The following DENND5B variants were observed in gnomAD, a reference collection of about 807,000 sequenced individuals.
The protein encoded by DENND5B is DENN domain-containing protein 5B.
Under a neutral mutation model 140.6 loss-of-function variants are expected in DENND5B, and 34 were observed. The ratio of observed to expected loss-of-function variants is 0.24; its 90% CI spans 0.18 to 0.32. The LOEUF (loss-of-function observed/expected upper bound fraction) is 0.32, where lower values mean the gene tolerates loss of function less well. Among genes scored for constraint, DENND5B ranks in the 10% least tolerant of loss-of-function variants. The pLI is 1.00. For synonymous variants in DENND5B, 551 were observed against 562.1 expected (o/e 0.98, Z 0.28); for missense variants, 1,142 against 1,560.2 (o/e 0.73, Z 4.52).
At chr12:31,443,639 A>G (rs1944145739) in intron 6 of DENND5B, among the ~76,000 whole-genome samples, 1 of 152,230 alleles carries the variant, frequency 6.6e-6, no homozygotes, top group African/African-American at 2.4e-5. Flanking sequence ...GAGCTGAAAT[A>G]CAAGTTAAAG....
At chr12:31,530,910 C>G (rs906524380) in intron 1 of DENND5B, among the ~76,000 whole-genome samples, 1 of 152,114 alleles carries the variant, frequency 6.6e-6, no homozygotes, top group Non-Finnish European at 1.5e-5. Context: ...GATTCATCTC[C>G]TATTTTACTC....
chr12:31,448,040 C>T (rs770966144), intron 5 of DENND5B, among the ~76,000 whole-genome samples: 1 of 150,436 alleles, frequency 6.6e-6, no homozygotes, highest in South Asian at 2.1e-4. Flanking sequence ...GCATCAGTAA[C>T]GAAAGATGGC....
intron 12 of DENND5B, 78 bp from the exon 13 acceptor site, chr12:31,413,642 A>G: frequency 6.8e-7 from 1 of 1,472,462 alleles, no homozygotes; most frequent in Non-Finnish European, 9.1e-7. Flanking sequence ...AGTGAACAGT[A>G]CTGGGCACAG....
At chr12:31,510,560 C>T (rs2138907907) in intron 1 of DENND5B, among the ~76,000 whole-genome samples, 1 of 152,328 alleles carries the variant, frequency 6.6e-6, no homozygotes, top group Non-Finnish European at 1.5e-5. Flanking sequence ...TCCCCGTTTC[C>T]TTGCAAGCTG....
chr12:31,456,659 GT>G (rs1944792824), intron 4 of DENND5B, among the ~76,000 whole-genome samples: 1 of 152,220 alleles, frequency 6.6e-6, no homozygotes, highest in Non-Finnish European at 1.5e-5. Flanking sequence ...CCCTAAAACT[GT>G]AGGCCGGAGC....
At chr12:31,485,163 C>G (rs1946250908) in intron 2 of DENND5B, among the ~76,000 whole-genome samples, 1 of 152,192 alleles carries the variant, frequency 6.6e-6, no homozygotes, top group South Asian at 2.1e-4. Context: ...GGGCACTGGT[C>G]AACAGAAAGG....
rs113710202 is a variant in DENND5B, at chr12:31,499,477, G to A, written c.128-3558C>T. Reference sequence around the variant, plus strand: ...GAAAATTAAGATGCAGATGAGAGAAGAGAAACATAAAATAACATCTACAAG... The same window carrying A: ...GAAAATTAAGATGCAGATGAGAGAAAAGAAACATAAAATAACATCTACAAG... On this transcript the variant is annotated intron_variant, in intron 1 of 20. Transcript: ENST00000389082. 4.3e-4 allele frequency: 270 copies of A among 634,554 alleles called. 3 individuals carry two copies. In the African/African-American group the frequency reaches 4.3e-3, roughly 10 times the overall value. The allele number at this position is 634,554 out of a possible 1,614,324, so 39.3% of individuals were successfully genotyped here.
intron 12 of DENND5B, among the ~76,000 whole-genome samples, chr12:31,415,131 A>T (rs1338505548): frequency 2.0e-5 from 3 of 152,108 alleles, no homozygotes; most frequent in Admixed American, 6.6e-5. Context: ...AAAATAAAAT[A>T]AAAAAATTTA....
chr12:31,511,627 T>C (rs759189087), intron 1 of DENND5B, among the ~76,000 whole-genome samples: 24 of 152,004 alleles, frequency 1.6e-4, no homozygotes, highest in South Asian at 8.3e-4. Context: ...CTGCTTACCA[T>C]ATTACATTAA....
intron 3 of DENND5B, chr12:31,465,054 C>G (rs1017206667): frequency 2.0e-5 from 3 of 152,168 alleles, no homozygotes; most frequent in African/African-American, 7.2e-5. Context: ...AAAAATGTGC[C>G]TAGTGATGGC....
rs763973021 is a variant in DENND5B at position 31,460,187 on chromosome 12, G to A, written c.1092+7C>T. 22 of 1,606,856 alleles carry A rather than the reference G, an allele frequency of 1.4e-5. No homozygotes were observed. The South Asian group carries it at 2.4e-4, about 18-fold the overall frequency. The stretch of plus-strand genomic sequence containing the variant: ...AGCAAATGCTTCATCATTCATTGTA[G>A]TTTTACCTCTTGAGGAAGTTCTAGT... On this transcript the variant is annotated splice_region_variant and intron_variant, in intron 4 of 20. Coordinates refer to ENST00000389082, the MANE Select transcript of DENND5B (RefSeq NM_144973.4).
intron 8 of DENND5B, among the ~76,000 whole-genome samples, chr12:31,427,566 AC>A (rs1198473700): frequency 6.6e-6 from 1 of 151,116 alleles, no homozygotes; most frequent in East Asian, 1.9e-4. Flanking sequence ...AGATGGCGTC[AC>A]TGCACTCCAG....
chr12:31,399,725 G>A lies in DENND5B; in HGVS notation c.2997C>T (p.Asn999=). 6.2e-7 allele frequency: 1 copy of A among 1,613,980 alleles called. No homozygotes were observed. The highest frequency in any genetic ancestry group is 8.5e-7 in the Non-Finnish European group (1 of 1,179,946). The change falls in exon 16 of 21, where the codon AAC becomes AAT. Residue 999 remains asparagine (N), a synonymous_variant. Coordinates refer to ENST00000389082, the MANE Select transcript of DENND5B (RefSeq NM_144973.4). ...KLTTVQIGHD[N]SGLLAKWLVD... is the part of the protein sequence containing the mutation. ...CTAGCCATTTGGCTAACAGTCCTGA[G>A]TTATCGTGACCAATCTGAACAGTGG...
At chr12:31,435,112 G>A (rs1002380904) in intron 7 of DENND5B, among the ~76,000 whole-genome samples, 2 of 151,880 alleles carry the variant, frequency 1.3e-5, no homozygotes, top group African/African-American at 4.8e-5. Flanking sequence ...CCCAAACCCC[G>A]GATGAAGACT....
At chr12:31,435,662 A>AGTTT (rs1378865242) in intron 7 of DENND5B, among the ~76,000 whole-genome samples, 1 of 28,940 alleles carries the variant, frequency 3.5e-5, no homozygotes, top group Non-Finnish European at 6.1e-5. Flanking sequence ...ATTTTGTTTT[A>AGTTT]GTTTGTTTGT....
chr12:31,557,376 CA>C, intron 1 of DENND5B, among the ~76,000 whole-genome samples: 1 of 151,970 alleles, frequency 6.6e-6, no homozygotes, highest in Non-Finnish European at 1.5e-5. Flanking sequence ...TATTCATATT[CA>C]TTTTTTTCTT....
chr12:31,437,206 AATCTT>A (rs1488211648), intron 7 of DENND5B, among the ~76,000 whole-genome samples: 88 of 150,920 alleles, frequency 5.8e-4, no homozygotes, highest in Non-Finnish European at 1.2e-3. Context: ...GCAGTGGCAC[AATCTT>A]GGCTCACTGC....
At chr12:31,388,210 A>G (rs1335560930) in intron 20 of DENND5B, among the ~76,000 whole-genome samples, 2 of 145,200 alleles carry the variant, frequency 1.4e-5, no homozygotes, top group East Asian at 2.1e-4. Context: ...AGACTACACT[A>G]AACTGTAGGG....
intron 1 of DENND5B, among the ~76,000 whole-genome samples, chr12:31,547,775 G>A (rs1948912779): frequency 6.6e-6 from 1 of 151,940 alleles, no homozygotes; most frequent in African/African-American, 2.4e-5. Context: ...GTGCGATCTT[G>A]GTTCACTGCA....
Sources: allele counts gnomAD v4.1 joint callset (sites outside exome capture counted in the v4.1 genomes callset), GRCh38; gene constraint gnomAD v4.1.1; transcripts MANE v1.5; gene names NCBI Gene and HGNC (gene_info 2026-07-23, HGNC 2026-07-21).